MCC: variants seen among roughly 807,000 people sequenced by gnomAD.
MCC encodes the protein colorectal mutant cancer protein.
A neutral mutation model predicts 116.2 loss-of-function variants in MCC; 90 were observed. That is an observed-to-expected ratio of 0.77 (90% confidence interval 0.65 to 0.92). MCC has a LOEUF of 0.92. Ranked by LOEUF, MCC falls within the 40% of genes least tolerant of loss-of-function variation. The pLI, the probability that MCC is intolerant of heterozygous loss-of-function variation, is 0.00. For synonymous variants in MCC, 578 were observed against 510.5 expected (o/e 1.13, Z -1.78); for missense variants, 1,516 against 1,312.2 (o/e 1.16, Z -2.40).
chr5:113,242,368 G>A (rs759646579), intron 3 of MCC, among the ~76,000 whole-genome samples: 1 of 152,124 alleles, frequency 6.6e-6, no homozygotes, highest in Non-Finnish European at 1.5e-5. Flanking sequence ...ACTTTAGGAG[G>A]AGGAACAGCC....
chr5:113,401,616 TCA>T (rs921137256), intron 1 of MCC, among the ~76,000 whole-genome samples: 6 of 152,112 alleles, frequency 3.9e-5, no homozygotes, highest in African/African-American at 1.4e-4. Context: ...CAGACTCTGC[TCA>T]CACAGTTAGG....
chr5:113,478,887 T>C (rs1045982297), intron 1 of MCC, among the ~76,000 whole-genome samples: 1 of 152,208 alleles, frequency 6.6e-6, no homozygotes, highest in Non-Finnish European at 1.5e-5. Flanking sequence ...TGTTTCTGCA[T>C]TATCTATCTC....
chr5:113,063,984 C>A lies in MCC; in HGVS notation c.2213G>T (p.Ser738Ile). 1 of 1,611,176 alleles carries A rather than the reference C, an allele frequency of 6.2e-7. No individual in the cohort carries two copies. Among genetic ancestry groups the A allele is most frequent in the South Asian group, 1.1e-5 (1 of 90,708 alleles). The change falls in exon 14 of 19, where the codon AGC becomes ATC. Residue 738 changes from serine (S) to isoleucine (I), a missense_variant and splice_region_variant. Physicochemically the swap from Ser to Ile is moderately radical, Grantham distance 142. Coordinates refer to ENST00000408903, the MANE Select transcript of MCC (RefSeq NM_001085377.2). ...WESLSSNSHT[S>I]TTSSTASSCD... is the part of the protein sequence containing the mutation. ...CCCAGAGCAGAAGGCTGAGCATTAC[C>A]TGGTGTGGCTGTTGGAGGAAAGGCT...
At chr5:113,055,291 G>A (rs1752761856) in intron 14 of MCC, among the ~76,000 whole-genome samples, 1 of 152,080 alleles carries the variant, frequency 6.6e-6, no homozygotes, top group Non-Finnish European at 1.5e-5. Flanking sequence ...TCCACAGGCC[G>A]CCAGATGCCA....
chr5:113,468,356 A>G (rs1338826329), intron 1 of MCC, among the ~76,000 whole-genome samples: 4 of 152,186 alleles, frequency 2.6e-5, no homozygotes, highest in Non-Finnish European at 5.9e-5. Flanking sequence ...GATACATACC[A>G]TCAATACCTA....
intron 1 of MCC, among the ~76,000 whole-genome samples, chr5:113,484,026 C>T (rs537402482): frequency 5.9e-5 from 9 of 152,196 alleles, no homozygotes; most frequent in Admixed American, 3.3e-4. Flanking sequence ...GGGAACAACA[C>T]GCACTGGGGC....
At chr5:113,130,311 G>C (rs934245041) in intron 5 of MCC, among the ~76,000 whole-genome samples, 1 of 152,028 alleles carries the variant, frequency 6.6e-6, no homozygotes, top group Admixed American at 6.5e-5. Context: ...ACAGGGAGGG[G>C]AACATCACAC....
At chr5:113,445,445 T>G (rs1404107907) in intron 1 of MCC, among the ~76,000 whole-genome samples, 1 of 152,162 alleles carries the variant, frequency 6.6e-6, no homozygotes, top group East Asian at 1.9e-4. Context: ...AGCATTTTTA[T>G]ACAGTAATAA....
intron 1 of MCC, chr5:113,433,985 G>T: frequency 6.2e-7 from 1 of 1,614,022 alleles, no homozygotes; most frequent in Non-Finnish European, 8.5e-7. Flanking sequence ...CCCCCTCCTT[G>T]TTGATGGCCA....
chr5:113,185,038 G>A (rs1222649389), intron 3 of MCC, among the ~76,000 whole-genome samples: 1 of 152,166 alleles, frequency 6.6e-6, no homozygotes, highest in Non-Finnish European at 1.5e-5. Flanking sequence ...AGGGAAGCTG[G>A]GGAAATCCTG....
intron 1 of MCC, among the ~76,000 whole-genome samples, chr5:113,488,004 C>T (rs1772589790): frequency 6.6e-6 from 1 of 152,156 alleles, no homozygotes; most frequent in Non-Finnish European, 1.5e-5. Context: ...TGTCTCCCAA[C>T]GCCTAGACAA....
At chr5:113,156,964 T>G (rs1760206392) in intron 3 of MCC, among the ~76,000 whole-genome samples, 2 of 152,124 alleles carry the variant, frequency 1.3e-5, no homozygotes, top group African/African-American at 2.4e-5. Context: ...TGAGCCCAGG[T>G]AAGAAGTGAG....
At chr5:113,473,813 A>G (rs1451037529) in intron 1 of MCC, among the ~76,000 whole-genome samples, 1 of 152,230 alleles carries the variant, frequency 6.6e-6, no homozygotes. Flanking sequence ...CAGCTGCCCA[A>G]TAGAGACTAA....
intron 2 of MCC, among the ~76,000 whole-genome samples, chr5:113,364,765 C>A (rs571478665): frequency 3.2e-4 from 48 of 152,326 alleles, no homozygotes; most frequent in African/African-American, 1.1e-3. Flanking sequence ...TTCTGCACAC[C>A]TGCAGGCTTA....
chr5:113,202,214 G>GA (rs796669446), intron 3 of MCC, among the ~76,000 whole-genome samples: 40 of 145,182 alleles, frequency 2.8e-4, no homozygotes, highest in East Asian at 6.0e-4. Context: ...GCAAAAGGGG[G>GA]AAAAAAAAAA....
intron 2 of MCC, among the ~76,000 whole-genome samples, chr5:113,379,215 C>T (rs1769054563): frequency 6.6e-6 from 1 of 152,212 alleles, no homozygotes; most frequent in Non-Finnish European, 1.5e-5. Flanking sequence ...TTGCAAGAGA[C>T]TCAATCATCT....
chr5:113,028,083 A>G (rs934749750), intron 18 of MCC, among the ~76,000 whole-genome samples: 2 of 152,188 alleles, frequency 1.3e-5, no homozygotes, highest in African/African-American at 4.8e-5. Context: ...AGGTAGGTCC[A>G]TTCCATGTAC....
At chr5:113,119,442 G>A (rs192124850) in intron 6 of MCC, among the ~76,000 whole-genome samples, 12 of 152,322 alleles carry the variant, frequency 7.9e-5, no homozygotes, top group Admixed American at 2.0e-4. Context: ...AGCCAGCACA[G>A]AGCCCCGGGC....
rs57279462 is a variant in MCC at position 113,292,889 on chromosome 5, G to A, written c.627+47630C>T. Among the ~76,000 whole-genome samples the A allele has an allele frequency of 4.4e-3, 671 of 152,236 alleles. 6 individuals carry two copies. Among genetic ancestry groups the A allele is most frequent in the African/African-American group, 0.015 (633 of 41,554 alleles). On this transcript the variant is annotated intron_variant, in intron 3 of 18. Transcript: ENST00000408903. ...GAAACAGGGTTAGTGATGGAGCAGG[G>A]CCCTGGGTTCTAGTTCAGATTTGAG...
Sources: allele counts gnomAD v4.1 joint callset (sites outside exome capture counted in the v4.1 genomes callset), GRCh38; gene constraint gnomAD v4.1.1; transcripts MANE v1.5; gene names NCBI Gene and HGNC (gene_info 2026-07-23, HGNC 2026-07-21).